PICALM: variants seen among roughly 807,000 people sequenced by gnomAD.
PICALM encodes phosphatidylinositol-binding clathrin assembly protein.
Under a neutral mutation model 80.5 loss-of-function variants are expected in PICALM, and 40 were observed. The observed-to-expected ratio is 0.50, with a 90% CI of 0.39 to 0.65. PICALM has a LOEUF of 0.65. PICALM is among the 30% of genes least tolerant of loss of function. The pLI is 0.00. For missense variants in PICALM, 676 were observed against 778.9 expected, an observed-to-expected ratio of 0.87 and a Z score of 1.57; for synonymous variants, 288 against 260.3, an observed-to-expected ratio of 1.11 and a Z score of -1.02.
chr11:85,999,707 C>T lies in PICALM; in HGVS notation c.1154+936G>A, dbSNP rs145411861. 3.8e-3 allele frequency among the ~76,000 whole-genome samples: 586 copies of T among 152,328 alleles called. 3 individuals are homozygous for T. Among genetic ancestry groups the T allele is most frequent in the African/African-American group, 0.013 (550 of 41,562 alleles). On this transcript the variant is annotated intron_variant, in intron 11 of 19. Coordinates refer to ENST00000393346, the MANE Select transcript of PICALM (RefSeq NM_007166.4). ...GCTATTAGGCTCAGCTATTAGGAGT[C>T]AGTAGGCAGGCAGATGAGCTTTTAA...
At chr11:86,026,226 A>C in intron 3 of PICALM, 66 bp downstream of exon 3, 2 of 853,874 alleles carry the variant, frequency 2.3e-6, no homozygotes, top group Non-Finnish European at 4.0e-6. Context: ...ACAGAGTTCT[A>C]CTCTGGAGTA....
intron 14 of PICALM, 90 bp downstream of exon 14, chr11:85,983,776 T>C (rs938723279): frequency 3.3e-6 from 2 of 601,162 alleles, no homozygotes; most frequent in African/African-American, 3.8e-5. Flanking sequence ...GTTTAATATA[T>C]CTAAACATTT....
In PICALM at chr11:85,958,508, ATACT is replaced by A. The variant is rs770904871; in HGVS notation, c.*534_*537del. 1.4e-5 allele frequency: 3 copies of A among 209,040 alleles called. No individual in the cohort carries two copies. Among genetic ancestry groups the A allele is most frequent in the East Asian group, 7.4e-5 (1 of 13,510 alleles). The allele number at this position is 209,040 out of a possible 1,614,324, so 12.9% of individuals were successfully genotyped here. A position where few individuals can be genotyped will look rare whatever the true frequency, so the allele number is the denominator to read the frequency against. ...AATTGATAATCATAAATAAATACAA[ATACT>A]TAAGGAATGTCTACTGCAAACTGAA... is the stretch of plus-strand genomic sequence containing the variant. On this transcript the variant is annotated 3_prime_UTR_variant, in exon 20 of 20. Transcript: ENST00000393346.
At chr11:85,960,541 TAGAGGA>T in intron 19 of PICALM, 1 of 378,572 alleles carries the variant, frequency 2.6e-6, no homozygotes, top group South Asian at 2.1e-5. Flanking sequence ...ACCTAAAGAA[TAGAGGA>T]AGAGGAGGAG....
At chr11:86,048,586 C>T (rs2096118632) in intron 1 of PICALM, among the ~76,000 whole-genome samples, 1 of 151,926 alleles carries the variant, frequency 6.6e-6, no homozygotes, top group Non-Finnish European at 1.5e-5. Context: ...GTAATCCCAG[C>T]ACTTTGGGGG....
chr11:86,042,278 T>C (rs1593262526), intron 1 of PICALM, among the ~76,000 whole-genome samples: 2 of 151,938 alleles, frequency 1.3e-5, no homozygotes, highest in South Asian at 4.1e-4. Flanking sequence ...GAAAATCATA[T>C]TTTGGTAAGC....
chr11:85,980,746 CT>C (rs2094418142), intron 17 of PICALM, among the ~76,000 whole-genome samples: 1 of 152,122 alleles, frequency 6.6e-6, no homozygotes, highest in South Asian at 2.1e-4. Flanking sequence ...GTTAGGCTGC[CT>C]AGGTTATAAA....
In PICALM at chr11:85,975,046, C is replaced by T. The variant is rs80326324; in HGVS notation, c.1840-234G>A. 5.9e-3 allele frequency among the ~76,000 whole-genome samples: 897 copies of T among 152,184 alleles called. 11 individuals are homozygous for T. Among genetic ancestry groups the T allele is most frequent in the African/African-American group, 0.02 (849 of 41,512 alleles). ...TTTAAAATGTAGTAACAAAGCCTAACTTTTTCTATTCAATGAGTTGCAAAA... is the reference window on the plus strand; with the variant it reads ...TTTAAAATGTAGTAACAAAGCCTAATTTTTTCTATTCAATGAGTTGCAAAA... On this transcript the variant is annotated intron_variant, in intron 18 of 19. Transcript: ENST00000393346.
chr11:86,004,514 T>G (rs1377478403), intron 8 of PICALM, among the ~76,000 whole-genome samples: 3 of 144,404 alleles, frequency 2.1e-5, no homozygotes, highest in Admixed American at 6.9e-5. Flanking sequence ...AATACTTACG[T>G]TTTTTTTTTT....
chr11:86,030,686 C>T (rs2095736256), intron 2 of PICALM, among the ~76,000 whole-genome samples: 1 of 152,200 alleles, frequency 6.6e-6, no homozygotes, highest in Admixed American at 6.5e-5. Flanking sequence ...TTTTAGGCAA[C>T]AAAGGCTTCA....
chr11:85,960,753 T>G, intron 19 of PICALM: 1 of 1,310,536 alleles, frequency 7.6e-7, no homozygotes, highest in Non-Finnish European at 1.0e-6. Context: ...GGACTGTGAC[T>G]GGAGGGGCTG....
intron 19 of PICALM, among the ~76,000 whole-genome samples, chr11:85,965,498 A>C (rs1186898148): frequency 6.6e-6 from 1 of 152,212 alleles, no homozygotes; most frequent in Non-Finnish European, 1.5e-5. Context: ...AATGTTTAAA[A>C]CATGACCAGG....
At chr11:86,055,735 T>C (rs2096258704) in intron 1 of PICALM, among the ~76,000 whole-genome samples, 1 of 152,232 alleles carries the variant, frequency 6.6e-6, no homozygotes, top group Non-Finnish European at 1.5e-5. Flanking sequence ...TGATCAATCT[T>C]AAATCTAAGA....
chr11:86,045,456 G>A (rs978315942), intron 1 of PICALM, among the ~76,000 whole-genome samples: 7 of 126,602 alleles, frequency 5.5e-5, no homozygotes, highest in Admixed American at 1.0e-4. Flanking sequence ...ATGCAATGAT[G>A]ACAACTGTGA....
intron 1 of PICALM, among the ~76,000 whole-genome samples, chr11:86,034,013 G>A (rs527566541): frequency 1.3e-5 from 2 of 152,120 alleles, no homozygotes; most frequent in Admixed American, 6.5e-5. Context: ...AACAAATAAA[G>A]GTTTTTACTA....
chr11:86,010,035 G>A (rs1047597739), intron 7 of PICALM, among the ~76,000 whole-genome samples: 2 of 152,138 alleles, frequency 1.3e-5, no homozygotes, highest in Non-Finnish European at 2.9e-5. Flanking sequence ...TCACTATGTT[G>A]CTAATTCCAA....
chr11:85,963,920 C>CTTTTTTTTTT lies in PICALM; in HGVS notation c.1945-4870_1945-4861dup, dbSNP rs10686143. Among the ~76,000 whole-genome samples, 105 of 72,874 alleles carry CTTTTTTTTTT rather than the reference C, an allele frequency of 1.4e-3. 5 individuals are homozygous for CTTTTTTTTTT. The highest frequency in any genetic ancestry group is 2.8e-3 in the African/African-American group (56 of 19,876). The allele number at this position is 72,874 out of a possible 152,430, so 47.8% of individuals were successfully genotyped here. A position where few individuals can be genotyped will look rare whatever the true frequency, so the allele number is the denominator to read the frequency against. On this transcript the variant is annotated intron_variant, in intron 19 of 19. Transcript: ENST00000393346. ...TACAGGCATGCACCACCACACCTGG[C>CTTTTTTTTTT]TTTTTTTTTTTTTTTTTTTTTTTAT...
At chr11:86,022,997 T>C in intron 3 of PICALM, among the ~76,000 whole-genome samples, 1 of 152,164 alleles carries the variant, frequency 6.6e-6, no homozygotes, top group South Asian at 2.1e-4. Context: ...CAAAAACAAT[T>C]ATATGAATGT....
rs984322164 is a variant in PICALM at position 85,958,359 on chromosome 11, T to A, written c.*687A>T. 1.4e-5 allele frequency: 3 copies of A among 213,572 alleles called. No homozygotes were observed. The highest frequency in any genetic ancestry group is 4.5e-5 in the African/African-American group (2 of 44,276). The allele number at this position is 213,572 out of a possible 1,614,324, so 13.2% of individuals were successfully genotyped here. A position where few individuals can be genotyped will look rare whatever the true frequency, so the allele number is the denominator to read the frequency against. ...GGACTTGCCTTAAAATATTTAGTGC[T>A]CTGTATGTCAGCTGAGAAAAGCATT... On this transcript the variant is annotated 3_prime_UTR_variant, in exon 20 of 20. Transcript: ENST00000393346.
Sources: allele counts gnomAD v4.1 joint callset (sites outside exome capture counted in the v4.1 genomes callset), GRCh38; gene constraint gnomAD v4.1.1; transcripts MANE v1.5; gene names NCBI Gene and HGNC (gene_info 2026-07-23, HGNC 2026-07-21).